The following MIER2 variants were observed in gnomAD, a reference collection of about 807,000 sequenced individuals.
MIER2 encodes the protein MIER family member 2.
MIER2 carries 30 observed loss-of-function variants against 67.6 expected under a neutral mutation model. That is an observed-to-expected ratio of 0.44 (90% CI 0.33 to 0.60). The LOEUF is 0.60. Ranked by LOEUF, MIER2 falls within the 20% of genes least tolerant of loss-of-function variation. MIER2 has a pLI of 0.02. For synonymous variants in MIER2, 372 were observed against 312.6 expected, an observed-to-expected ratio of 1.19 and a Z score of -2.00; for missense variants, 702 against 745.1, an observed-to-expected ratio of 0.94 and a Z score of 0.67.
At chr19:332,037 T>C (rs1015972077) in intron 3 of MIER2, among the ~76,000 whole-genome samples, 5 of 152,218 alleles carry the variant, frequency 3.3e-5, no homozygotes, top group Non-Finnish European at 7.3e-5. Flanking sequence ...TTCAAAGAGA[T>C]ATGGAAAACT....
At chr19:326,162 G>C (rs1473659319) in intron 6 of MIER2, among the ~76,000 whole-genome samples, 1 of 152,166 alleles carries the variant, frequency 6.6e-6, no homozygotes, top group African/African-American at 2.4e-5. Flanking sequence ...GCCAGGTTGG[G>C]GACACGGCAG....
chr19:319,957 C>T (rs1212928375), intron 7 of MIER2, among the ~76,000 whole-genome samples: 2 of 152,166 alleles, frequency 1.3e-5, no homozygotes, highest in African/African-American at 2.4e-5. Context: ...GGATTAAATA[C>T]GTATATGTTG....
In MIER2 at chr19:308,850, C is replaced by A; in HGVS notation, c.1060G>T (p.Ala354Ser). 6.2e-7 allele frequency: 1 copy of A among 1,610,952 alleles called. No homozygotes were observed. Among genetic ancestry groups the A allele is most frequent in the Non-Finnish European group, 8.5e-7 (1 of 1,178,000 alleles). Residue 354 changes from alanine to serine, a missense_variant, in exon 11 of 14, where the codon GCC becomes TCC. By Grantham distance (99) the Ala-to-Ser change is moderately conservative (BLOSUM62 1). This residue lies in a region of MIER2 where 128 missense variants were observed against 189.7 expected (regional missense o/e 0.67). Transcript: ENST00000264819. This position sits in a 1 kb window ranked among gnomAD's most constrained non-coding sequence, Gnocchi z 9.1. ...CTCCGGCCCAGCCGCGTCTGCTGGG[C>A]GAAGTAGTCGTAGCGCTCCGACTTC... Reference protein sequence around the residue: ...WKKSERYDYFAQQTRLGRRKY... With the variant: ...WKKSERYDYFSQQTRLGRRKY...
At chr19:321,096 C>T (rs999421773) in intron 7 of MIER2, among the ~76,000 whole-genome samples, 1 of 152,202 alleles carries the variant, frequency 6.6e-6, no homozygotes, top group African/African-American at 2.4e-5. Flanking sequence ...GCAGCTTGTC[C>T]CACCTCAGCT....
chr19:307,472 G>A lies in MIER2; in HGVS notation c.1263C>T (p.Leu421=). Residue 421 remains leucine (L), a synonymous_variant, in exon 13 of 14, where the codon CTC becomes CTT. Coordinates refer to ENST00000264819, the MANE Select transcript of MIER2 (RefSeq NM_017550.3). The stretch of plus-strand genomic sequence containing the variant: ...AACACGGCCCTGGCTCCGAGGACGG[G>A]AGTCCATCAGAGGCCACTCCGGGCT... ...LDEPGVASDG[L]PSSEPGPCSF... 1 of 1,552,670 alleles carries A rather than the reference G, an allele frequency of 6.4e-7. No individual in the cohort carries two copies. Among genetic ancestry groups the A allele is most frequent in the Non-Finnish European group, 8.7e-7 (1 of 1,152,276 alleles).
intron 3 of MIER2, among the ~76,000 whole-genome samples, chr19:329,866 C>CAAAAAA (rs36067469): frequency 1.1e-5 from 1 of 94,800 alleles, no homozygotes; most frequent in African/African-American, 4.0e-5. Context: ...TACTCCGTCT[C>CAAAAAA]AAAAAAAAAA....
At position 333,085 on chromosome 19, in the gene MIER2, C is replaced by T. The variant is rs1240555676; in HGVS notation, c.243+1315G>A. ...TCAGCTCACTGCAAGCTCCGTCTCCCGGGTTCACGTCATTCTCCCGCCTCA... is the reference window on the plus strand; with the variant it reads ...TCAGCTCACTGCAAGCTCCGTCTCCTGGGTTCACGTCATTCTCCCGCCTCA... On this transcript the variant is annotated intron_variant, in intron 3 of 13. Transcript: ENST00000264819. Among the ~76,000 whole-genome samples, 11 of 81,422 alleles carry T rather than the reference C, an allele frequency of 1.4e-4. 1 individual carries two copies. The highest frequency in any genetic ancestry group is 2.4e-4 in the Non-Finnish European group (11 of 45,364). The allele number at this position is 81,422 out of a possible 152,430, so 53.4% of individuals were successfully genotyped here. A position where few individuals can be genotyped will look rare whatever the true frequency, so the allele number is the denominator to read the frequency against.
At chr19:338,644 G>C (rs1972371285) in intron 1 of MIER2, among the ~76,000 whole-genome samples, 2 of 152,176 alleles carry the variant, frequency 1.3e-5, no homozygotes, top group Admixed American at 1.3e-4. Context: ...AATACTTCCT[G>C]ATTTCAAAAT....
chr19:328,409 CATCT>C (rs1339830560), intron 3 of MIER2, among the ~76,000 whole-genome samples: 5 of 149,906 alleles, frequency 3.3e-5, no homozygotes, highest in Non-Finnish European at 5.9e-5. Context: ...TAAAATCCGA[CATCT>C]ATTCCTGATT....
intron 2 of MIER2, among the ~76,000 whole-genome samples, chr19:335,779 C>T (rs960012115): frequency 3.9e-5 from 6 of 152,156 alleles, no homozygotes; most frequent in African/African-American, 7.2e-5. Flanking sequence ...CTTCCCAACA[C>T]CCTGGCAAGA....
Position 327,201 on chromosome 19 carries a change from G to A in MIER2, c.425C>T (p.Ser142Phe), listed in dbSNP as rs149957445. Reference protein sequence around the residue: ...SGEEEEETQSSADDLTPSVTS... With the variant: ...SGEEEEETQSFADDLTPSVTS... ...CACGGACGGGGTGAGGTCGTCAGCA[G>A]ATGATTGCGTCTCTTCCTCTTCTTC... The change falls in exon 5 of 14, where the codon TCT (serine) becomes TTT (phenylalanine). Residue 142 changes from serine (S) to phenylalanine (F), a missense_variant. Transcript: ENST00000264819. 76 of 1,593,594 alleles carry A rather than the reference G, an allele frequency of 4.8e-5. No homozygotes were observed. In the African/African-American group the frequency reaches 5.0e-4, roughly 10 times the overall value.
At chr19:329,578 C>A (rs1422565104) in intron 3 of MIER2, among the ~76,000 whole-genome samples, 1 of 152,180 alleles carries the variant, frequency 6.6e-6, no homozygotes, top group Admixed American at 6.5e-5. Flanking sequence ...AAAGCAAACA[C>A]CCCAGCTTCA....
rs369278546 is a variant in MIER2 at position 310,310 on chromosome 19, G to T, written c.985-1385C>A. On this transcript the variant is annotated intron_variant, in intron 10 of 13. Transcript: ENST00000264819. ...GCTCACCGCTGCGAGAACAACGTGG[G>T]GTCCTGCCTGGGGGCGAGACCGAGA... Among the ~76,000 whole-genome samples, 595 of 152,334 alleles carry T rather than the reference G, an allele frequency of 3.9e-3. 4 individuals carry two copies. Among genetic ancestry groups the T allele is most frequent in the African/African-American group, 0.014 (571 of 41,566 alleles).
At chr19:332,078 T>C (rs2145508571) in intron 3 of MIER2, among the ~76,000 whole-genome samples, 1 of 152,338 alleles carries the variant, frequency 6.6e-6, no homozygotes, top group South Asian at 2.1e-4. Flanking sequence ...TTTTTTCTTT[T>C]GGGACAGTTC....
intron 10 of MIER2, 57 bp downstream of exon 10, chr19:311,788 C>G (rs1384062459): frequency 6.4e-6 from 10 of 1,572,854 alleles, no homozygotes; most frequent in African/African-American, 1.4e-5. Flanking sequence ...CCTGCGGACC[C>G]TGAGCCCCTC....
Position 308,672 on chromosome 19 carries a change from G to A in MIER2, c.1110-7C>T, listed in dbSNP as rs375662133. 9.4e-6 allele frequency: 15 copies of A among 1,600,530 alleles called. No individual in the cohort carries two copies. The African/African-American group carries it at 1.7e-4, about 19-fold the overall frequency. ...CAGGTCCTGGTCTGCGTCCCTGTGG[G>A]GAGAGGGCGCCATGAGGGGCGGCAG... On this transcript the variant is annotated splice_polypyrimidine_tract_variant and splice_region_variant and intron_variant, in intron 11 of 13. Coordinates refer to ENST00000264819, the MANE Select transcript of MIER2 (RefSeq NM_017550.3). The surrounding 1 kb of genome is among the most constrained non-coding windows in gnomAD (Gnocchi z 9.1).
chr19:320,137 G>T (rs1971438713), intron 7 of MIER2, among the ~76,000 whole-genome samples: 1 of 152,082 alleles, frequency 6.6e-6, no homozygotes. Context: ...CACTCTGGGG[G>T]GCTGAGGCGG....
At chr19:313,100 TATCCA>T in intron 8 of MIER2, among the ~76,000 whole-genome samples, 1 of 122,352 alleles carries the variant, frequency 8.2e-6, no homozygotes, top group South Asian at 3.3e-4. Flanking sequence ...CCTACACCTC[TATCCA>T]GGGACTGGCA....
intron 12 of MIER2, among the ~76,000 whole-genome samples, chr19:307,877 C>CG (rs1203660705): frequency 6.6e-6 from 1 of 152,198 alleles, no homozygotes; most frequent in South Asian, 2.1e-4. Context: ...TAAACAATGC[C>CG]GGGGGCGCTG....
Sources: gnomAD v4.1 joint callset for allele counts (sites outside exome capture counted in the v4.1 genomes callset) on GRCh38, gnomAD v4.1.1 for gene constraint, gnomAD v4.1.1 regional missense constraint, Gnocchi (gnomAD v3.1) non-coding constraint, MANE v1.5 for transcripts, NCBI Gene and HGNC (gene_info 2026-07-23, HGNC 2026-07-21) for gene names.